Variants in DLC1 observed in about 807,000 individuals in gnomAD.
DLC1 encodes the protein rho GTPase-activating protein 7.
In DLC1, 54 loss-of-function variants were observed where a neutral mutation model predicts 140.3. That is an observed-to-expected ratio of 0.38 (90% CI 0.31 to 0.48). The LOEUF (loss-of-function observed/expected upper bound fraction) is 0.48. DLC1 is among the 20% of genes least tolerant of loss of function. The probability of loss-of-function intolerance (pLI) is 0.96; values close to 1 mark genes in which losing one functional copy is unlikely to be tolerated. For missense variants in DLC1, 2,536 were observed against 1,907.0 expected (o/e 1.33, Z -6.14); for synonymous variants, 986 against 728.1 (o/e 1.35, Z -5.70).
chr8:13,095,221 C>T lies in DLC1; in HGVS notation c.3192G>A (p.Arg1064=). The stretch of plus-strand genomic sequence containing the variant: ...GGTCCTTGTAGTCTGGAACCTTGAT[C>T]CTCTTCATGAACTTGGGCACGGCCC... ...FSWAVPKFMK[R]IKVPDYKDRS... The change falls in exon 11 of 18, where the codon AGG becomes AGA. Residue 1064 remains arginine (R), a synonymous_variant. Coordinates refer to ENST00000276297, the MANE Select transcript of DLC1 (RefSeq NM_182643.3). 1.9e-6 allele frequency: 3 copies of T among 1,614,230 alleles called. No individual in the cohort carries two copies. The highest frequency in any genetic ancestry group is 2.2e-5 in the East Asian group (1 of 44,876).
intron 1 of DLC1, among the ~76,000 whole-genome samples, chr8:13,583,155 A>G (rs1805175861): frequency 6.6e-6 from 1 of 151,876 alleles, no homozygotes; most frequent in Non-Finnish European, 1.5e-5. Context: ...TCAATAGTTG[A>G]TTCTTCCTTT....
intron 5 of DLC1, among the ~76,000 whole-genome samples, chr8:13,244,269 C>G (rs188584038): frequency 4.1e-4 from 62 of 151,510 alleles, no homozygotes; most frequent in African/African-American, 1.5e-3. Context: ...GTATGATATT[C>G]AAGATTTTTC....
At chr8:13,089,726 G>C (rs570165879) in intron 15 of DLC1, among the ~76,000 whole-genome samples, 12 of 152,332 alleles carry the variant, frequency 7.9e-5, no homozygotes, top group Non-Finnish European at 1.5e-4. Context: ...TTATTTTCAA[G>C]ATGGTAGAGG....
chr8:13,258,446 TTC>T (rs1398797907), intron 5 of DLC1, among the ~76,000 whole-genome samples: 1 of 152,210 alleles, frequency 6.6e-6, no homozygotes, highest in Admixed American at 6.5e-5. Flanking sequence ...CCCATATATA[TTC>T]CCATTTACTT....
chr8:13,496,946 G>T (rs1423852143), intron 2 of DLC1, among the ~76,000 whole-genome samples: 3 of 151,508 alleles, frequency 2.0e-5, no homozygotes, highest in Admixed American at 6.6e-5. Context: ...GACTATAGGC[G>T]CCTGCCACCA....
At position 13,189,449 on chromosome 8, in the gene DLC1, C is replaced by A. The variant is rs528901158; in HGVS notation, c.1349-73792G>T. 5.3e-5 allele frequency among the ~76,000 whole-genome samples: 8 copies of A among 151,058 alleles called. No individual in the cohort carries two copies. The South Asian group carries it at 1.5e-3, about 28-fold the overall frequency. On this transcript the variant is annotated intron_variant, in intron 5 of 17. Transcript: ENST00000276297. The stretch of plus-strand genomic sequence containing the variant: ...GCTCTGATCATGCCATTGCACTCCA[C>A]CCAAGCAAACAAAAAGAAAAAGCCT...
At chr8:13,130,560 C>A (rs1821996259) in intron 5 of DLC1, among the ~76,000 whole-genome samples, 1 of 152,190 alleles carries the variant, frequency 6.6e-6, no homozygotes. Flanking sequence ...CACCTTTACT[C>A]CAGAGCCCTA....
intron 1 of DLC1, among the ~76,000 whole-genome samples, chr8:13,588,003 A>G (rs1805388614): frequency 6.6e-6 from 1 of 152,092 alleles, no homozygotes. Context: ...TTCCAAAGTC[A>G]TTGACCTTTA....
chr8:13,570,490 C>A (rs1804614227), intron 1 of DLC1, among the ~76,000 whole-genome samples: 2 of 137,210 alleles, frequency 1.5e-5, no homozygotes, highest in South Asian at 5.0e-4. Context: ...ATTCCCCTTC[C>A]TGTGTCCGTG....
intron 5 of DLC1, among the ~76,000 whole-genome samples, chr8:13,239,154 C>T (rs1015849510): frequency 6.6e-6 from 1 of 152,128 alleles, no homozygotes; most frequent in Non-Finnish European, 1.5e-5. Flanking sequence ...CTACGAAGAA[C>T]AACTGGCAAT....
intron 5 of DLC1, among the ~76,000 whole-genome samples, chr8:13,188,838 T>C (rs1826564898): frequency 3.3e-5 from 1 of 29,894 alleles, no homozygotes; most frequent in Non-Finnish European, 7.0e-5. Flanking sequence ...TATATATATA[T>C]ATATATTTTT....
chr8:13,602,766 A>G (rs922520338), intron 1 of DLC1, among the ~76,000 whole-genome samples: 2 of 151,916 alleles, frequency 1.3e-5, no homozygotes, highest in East Asian at 1.9e-4. Flanking sequence ...TTTCAAAATC[A>G]TATTTCCCAG....
At chr8:13,320,296 C>T (rs141265967) in intron 4 of DLC1, among the ~76,000 whole-genome samples, 1 of 152,212 alleles carries the variant, frequency 6.6e-6, no homozygotes, top group East Asian at 1.9e-4. Context: ...ATGATTTCTG[C>T]TCTCTATGAA....
chr8:13,188,801 GTATA>G (rs1237501850), intron 5 of DLC1, among the ~76,000 whole-genome samples: 2 of 71,884 alleles, frequency 2.8e-5, no homozygotes, highest in African/African-American at 6.6e-5. Context: ...GTGTGTGTGT[GTATA>G]TATATATATA....
intron 2 of DLC1, among the ~76,000 whole-genome samples, chr8:13,403,355 A>G (rs1837382456): frequency 6.6e-6 from 1 of 152,220 alleles, no homozygotes; most frequent in African/African-American, 2.4e-5. Flanking sequence ...TATTGATAGT[A>G]TGATTGTGCT....
chr8:13,339,867 AC>A (rs1427431091), intron 4 of DLC1: 2 of 152,172 alleles, frequency 1.3e-5, no homozygotes, highest in African/African-American at 2.4e-5. Flanking sequence ...TCATCCACTC[AC>A]TTAGCAAATA....
intron 5 of DLC1, among the ~76,000 whole-genome samples, chr8:13,254,990 T>TTA (rs1195706779): frequency 6.6e-6 from 1 of 152,102 alleles, no homozygotes; most frequent in African/African-American, 2.4e-5. Context: ...TTTCTTATTT[T>TTA]TTTTGAGATG....
At chr8:13,414,343 A>G (rs1014830242) in intron 2 of DLC1, among the ~76,000 whole-genome samples, 1 of 152,176 alleles carries the variant, frequency 6.6e-6, no homozygotes, top group Admixed American at 6.5e-5. Flanking sequence ...TGTATAGACA[A>G]TTTATCTTTG....
chr8:13,238,928 T>A (rs1390893586), intron 5 of DLC1, among the ~76,000 whole-genome samples: 1 of 152,052 alleles, frequency 6.6e-6, no homozygotes, highest in South Asian at 2.1e-4. Flanking sequence ...CCAGATGGTG[T>A]GGGGGGTGTA....
Sources: allele counts gnomAD v4.1 joint callset (sites outside exome capture counted in the v4.1 genomes callset), GRCh38; gene constraint gnomAD v4.1.1; transcripts MANE v1.5; gene names NCBI Gene and HGNC (gene_info 2026-07-23, HGNC 2026-07-21).